KCNH7: variants seen among roughly 807,000 people sequenced by gnomAD.
KCNH7 encodes the protein potassium voltage-gated channel subfamily H member 7.
A neutral mutation model predicts 120.8 loss-of-function variants in KCNH7; 49 were observed. The observed-to-expected ratio is 0.41, with a 90% CI of 0.32 to 0.51. The LOEUF is 0.51. KCNH7 is among the 20% of genes least tolerant of loss of function. The pLI is 0.38. For missense variants in KCNH7, 1,097 were observed against 1,446.6 expected (o/e 0.76, Z 3.92); for synonymous variants, 547 against 516.1 (o/e 1.06, Z -0.81).
At chr2:162,388,087 T>G (rs867307162) in intron 12 of KCNH7, among the ~76,000 whole-genome samples, 85 of 151,858 alleles carry the variant, frequency 5.6e-4, no homozygotes, top group African/African-American at 2.0e-3. Context: ...TAAAATAAAT[T>G]TTTTCATTTA....
chr2:162,712,952 C>T (rs777242789), intron 2 of KCNH7, among the ~76,000 whole-genome samples: 2 of 152,162 alleles, frequency 1.3e-5, no homozygotes, highest in African/African-American at 4.8e-5. Flanking sequence ...TAATCACTCT[C>T]GTTTTTAGTC....
Position 162,492,728 on chromosome 2 carries a change from G to T in KCNH7, c.1128+11715C>A, listed in dbSNP as rs1285865373. 2.0e-5 allele frequency among the ~76,000 whole-genome samples: 3 copies of T among 152,064 alleles called. No individual in the cohort carries two copies. In the East Asian group the frequency reaches 5.8e-4, roughly 29 times the overall value. The stretch of plus-strand genomic sequence containing the variant: ...TAAAGCTCAAAAGCCAGAAATATTG[G>T]CCGCTTTGCATGGCTAAAATCAGGT... On this transcript the variant is annotated intron_variant, in intron 6 of 15. Transcript: ENST00000332142.
intron 2 of KCNH7, among the ~76,000 whole-genome samples, chr2:162,599,026 C>T (rs981895537): frequency 7.2e-5 from 11 of 151,898 alleles, no homozygotes; most frequent in South Asian, 2.1e-4. Flanking sequence ...GAGGCCAAGG[C>T]GGGTGGATCA....
intron 2 of KCNH7, among the ~76,000 whole-genome samples, chr2:162,816,267 A>G: frequency 6.6e-6 from 1 of 150,826 alleles, no homozygotes; most frequent in Middle Eastern, 3.4e-3. Flanking sequence ...CAAAAAAAAA[A>G]AAAAAAAAAA....
intron 2 of KCNH7, among the ~76,000 whole-genome samples, chr2:162,734,294 T>A (rs533109179): frequency 1.3e-5 from 2 of 152,302 alleles, no homozygotes; most frequent in East Asian, 3.9e-4. Flanking sequence ...TCTCTTTTTT[T>A]ATAATGCTGC....
At chr2:162,816,725 TGAAAG>T (rs1310561123) in intron 2 of KCNH7, among the ~76,000 whole-genome samples, 1 of 152,158 alleles carries the variant, frequency 6.6e-6, no homozygotes, top group African/African-American at 2.4e-5. Flanking sequence ...TGCTAAAATA[TGAAAG>T]GAAAGTGGGA....
At position 162,387,366 on chromosome 2, in the gene KCNH7, G is replaced by A. The variant is rs1263284997; in HGVS notation, c.2711-2427C>T. 2.6e-5 allele frequency among the ~76,000 whole-genome samples: 4 copies of A among 151,442 alleles called. No homozygotes were observed. In the South Asian group the frequency reaches 6.2e-4, roughly 24 times the overall value. ...TGATGTAATATGTACATGAAATTGG[G>A]CAGCTGAAATGCATTATAATTAGCC... On this transcript the variant is annotated intron_variant, in intron 12 of 15. Transcript: ENST00000332142.
At chr2:162,594,705 C>A (rs1694318365) in intron 2 of KCNH7, among the ~76,000 whole-genome samples, 1 of 150,736 alleles carries the variant, frequency 6.6e-6, no homozygotes, top group Admixed American at 6.6e-5. Flanking sequence ...ATTCCCTGAA[C>A]AATACAATAT....
At chr2:162,816,402 A>G (rs901172189) in intron 2 of KCNH7, among the ~76,000 whole-genome samples, 6 of 152,170 alleles carry the variant, frequency 3.9e-5, no homozygotes, top group Non-Finnish European at 8.8e-5. Context: ...TTTCATTAAA[A>G]TGGTCATTTC....
intron 7 of KCNH7, among the ~76,000 whole-genome samples, chr2:162,444,133 C>T (rs982306772): frequency 2.0e-5 from 3 of 152,136 alleles, no homozygotes; most frequent in African/African-American, 7.2e-5. Flanking sequence ...TTACTCTTTC[C>T]TGAAACCTTT....
chr2:162,673,883 G>A (rs1685446797), intron 2 of KCNH7, among the ~76,000 whole-genome samples: 1 of 151,832 alleles, frequency 6.6e-6, no homozygotes, highest in African/African-American at 2.4e-5. Flanking sequence ...ATTAGAAAAT[G>A]AAGAAAATTC....
At chr2:162,809,771 C>G (rs1398098747) in intron 2 of KCNH7, among the ~76,000 whole-genome samples, 1 of 152,022 alleles carries the variant, frequency 6.6e-6, no homozygotes, top group African/African-American at 2.4e-5. Context: ...TTCAAATTTT[C>G]CGTATTACTG....
intron 2 of KCNH7, among the ~76,000 whole-genome samples, chr2:162,551,323 C>T (rs1463011148): frequency 2.0e-5 from 3 of 152,064 alleles, no homozygotes; most frequent in Non-Finnish European, 4.4e-5. Context: ...GCCCACAAAT[C>T]TTGCACAATT....
chr2:162,826,035 A>G (rs1282895413), intron 2 of KCNH7, among the ~76,000 whole-genome samples: 3 of 152,072 alleles, frequency 2.0e-5, no homozygotes, highest in African/African-American at 7.2e-5. Flanking sequence ...GTAGAGATAT[A>G]AGTCCTTGTT....
At chr2:162,597,543 A>G (rs1694419204) in intron 2 of KCNH7, among the ~76,000 whole-genome samples, 1 of 152,070 alleles carries the variant, frequency 6.6e-6, no homozygotes, top group Non-Finnish European at 1.5e-5. Flanking sequence ...GGAGGTATGA[A>G]GGTGTAAATG....
intron 2 of KCNH7, among the ~76,000 whole-genome samples, chr2:162,783,065 A>G (rs1683559732): frequency 6.6e-6 from 1 of 152,168 alleles, no homozygotes; most frequent in South Asian, 2.1e-4. Context: ...CTGTTATCCA[A>G]CAGTGGCTAG....
chr2:162,582,028 G>A (rs1693885834), intron 2 of KCNH7, among the ~76,000 whole-genome samples: 1 of 152,056 alleles, frequency 6.6e-6, no homozygotes, highest in Non-Finnish European at 1.5e-5. Flanking sequence ...AAGCCAGCTT[G>A]CAAAGCAAAA....
At chr2:162,680,039 A>T (rs1045699161) in intron 2 of KCNH7, among the ~76,000 whole-genome samples, 1 of 151,812 alleles carries the variant, frequency 6.6e-6, no homozygotes, top group Non-Finnish European at 1.5e-5. Flanking sequence ...ATATGTGACT[A>T]ATTTATGTTC....
intron 2 of KCNH7, among the ~76,000 whole-genome samples, chr2:162,765,650 T>A (rs1176530067): frequency 1.3e-5 from 2 of 152,240 alleles, no homozygotes; most frequent in African/African-American, 4.8e-5. Context: ...GTCATATTAC[T>A]GTCTTTCATG....
Sources: allele counts gnomAD v4.1 joint callset (sites outside exome capture counted in the v4.1 genomes callset), GRCh38; gene constraint gnomAD v4.1.1; transcripts MANE v1.5; gene names NCBI Gene and HGNC (gene_info 2026-07-23, HGNC 2026-07-21).